NSD1: variants seen among roughly 807,000 people sequenced by gnomAD.
The protein encoded by NSD1 is nuclear receptor binding SET domain protein 1, also known as histone-lysine N-methyltransferase, H3 lysine-36 specific.
In NSD1, 26 loss-of-function variants were observed where a neutral mutation model predicts 242.7. The ratio of observed to expected loss-of-function variants is 0.11; its 90% CI spans 0.08 to 0.15. The LOEUF (loss-of-function observed/expected upper bound fraction) is 0.15, where lower values mean the gene tolerates loss of function less well. NSD1 is among the 10% of genes least tolerant of loss of function. The pLI, the probability that NSD1 is intolerant of heterozygous loss-of-function variation, is 1.00. For synonymous variants in NSD1, 1,106 were observed against 1,178.1 expected, an observed-to-expected ratio of 0.94 and a Z score of 1.25; for missense variants, 2,495 against 3,272.8, an observed-to-expected ratio of 0.76 and a Z score of 5.80.
Position 177,295,365 on chromosome 5 carries a change from G to A in NSD1, c.7997G>A (p.Gly2666Glu). 6.2e-7 allele frequency: 1 copy of A among 1,614,224 alleles called. No individual in the cohort carries two copies. The highest frequency in any genetic ancestry group is 1.1e-5 in the South Asian group (1 of 91,088). ...TTGGCACAGACTTGCTGGTCTCTTGGAAGAGGGCAAGACCCCAAACCAGAG... is the reference window on the plus strand; with the variant it reads ...TTGGCACAGACTTGCTGGTCTCTTGAAAGAGGGCAAGACCCCAAACCAGAG... Reference protein sequence around the residue: ...QTLAQTCWSLGRGQDPKPEQN... With the variant: ...QTLAQTCWSLERGQDPKPEQN... Residue 2666 changes from glycine to glutamate, a missense_variant, in exon 23 of 23, where the codon GGA becomes GAA. This residue lies in a region of NSD1 where 475 missense variants were observed against 563.7 expected (regional missense o/e 0.84). Transcript: ENST00000439151. This position sits in a 1 kb window ranked among gnomAD's most constrained non-coding sequence, Gnocchi z 4.3.
intron 2 of NSD1, chr5:177,136,750 C>G: frequency 5.6e-6 from 3 of 531,668 alleles, no homozygotes; most frequent in Non-Finnish European, 6.8e-6. Context: ...CCCATCACCA[C>G]GCCCGGCTAA....
In NSD1 at chr5:177,282,543, C is replaced by T; in HGVS notation, c.5971C>T (p.His1991Tyr). ...AGCTCGAATTCGCTATGCTCAAGAA[C>T]ATGATATCACTAATTTCTATATGCT... Reference protein sequence around the residue: ...CRARIRYAQEHDITNFYMLTL... With the variant: ...CRARIRYAQEYDITNFYMLTL... The change falls in exon 19 of 23, where the codon CAT (histidine) becomes TAT (tyrosine). Residue 1991 changes from histidine (H) to tyrosine (Y), a missense_variant. His to Tyr is a moderately conservative substitution (Grantham distance 83). Transcript: ENST00000439151. 6.2e-7 allele frequency: 1 copy of T among 1,612,968 alleles called. No individual in the cohort carries two copies. The highest frequency in any genetic ancestry group is 1.7e-5 in the Admixed American group (1 of 60,028).
intron 14 of NSD1, chr5:177,264,847 G>T (rs1757288545): frequency 2.6e-6 from 2 of 759,324 alleles, no homozygotes; most frequent in Non-Finnish European, 2.4e-6. Flanking sequence ...TGTTCCTTTG[G>T]CCGCATATAT....
intron 5 of NSD1, among the ~76,000 whole-genome samples, chr5:177,233,486 G>A (rs1037856395): frequency 3.3e-5 from 5 of 151,036 alleles, no homozygotes; most frequent in African/African-American, 7.3e-5. Context: ...CTCATGCTTC[G>A]GCATCTGGTG....
chr5:177,259,339 T>C (rs1453993231), intron 13 of NSD1, among the ~76,000 whole-genome samples: 2 of 152,100 alleles, frequency 1.3e-5, no homozygotes, highest in Non-Finnish European at 2.9e-5. Context: ...TTTCGATGAG[T>C]GTGATGGTGT....
At chr5:177,293,796 T>C in intron 22 of NSD1, 36 bp from the exon 23 acceptor site, 3 of 1,612,740 alleles carry the variant, frequency 1.9e-6, no homozygotes, top group Non-Finnish European at 2.5e-6. Context: ...TGTATCTCTT[T>C]TTTCCTAAAC....
chr5:177,171,325 C>T (rs1331333802), intron 2 of NSD1, among the ~76,000 whole-genome samples: 1 of 151,954 alleles, frequency 6.6e-6, no homozygotes, highest in African/African-American at 2.4e-5. Flanking sequence ...AAAAGGAAAC[C>T]TTGTACGCTT....
At chr5:177,196,635 A>T (rs1438949311) in intron 3 of NSD1, among the ~76,000 whole-genome samples, 9 of 152,228 alleles carry the variant, frequency 5.9e-5, no homozygotes. Flanking sequence ...TCTATAACTC[A>T]GAAAGGACAT....
At chr5:177,258,999 T>C (rs1390990270) in intron 13 of NSD1, among the ~76,000 whole-genome samples, 4 of 152,140 alleles carry the variant, frequency 2.6e-5, no homozygotes. Flanking sequence ...CACTCCCGAC[T>C]ACTTTTTATA....
intron 2 of NSD1, among the ~76,000 whole-genome samples, chr5:177,168,580 C>T (rs1581188753): frequency 6.6e-6 from 1 of 151,984 alleles, no homozygotes; most frequent in Non-Finnish European, 1.5e-5. Flanking sequence ...CCTGCCCCAC[C>T]CTCCCAAGTA....
At chr5:177,172,786 C>A (rs1431470793) in intron 2 of NSD1, among the ~76,000 whole-genome samples, 1 of 151,688 alleles carries the variant, frequency 6.6e-6, no homozygotes, top group African/African-American at 2.4e-5. Flanking sequence ...TAGTGAGATC[C>A]TGTCTCTAAA....
chr5:177,259,422 G>A (rs1385796830), intron 13 of NSD1, among the ~76,000 whole-genome samples: 1 of 152,140 alleles, frequency 6.6e-6, no homozygotes, highest in East Asian at 1.9e-4. Context: ...CAGACTTTGA[G>A]GTCACGTCCA....
chr5:177,280,097 C>T (rs1299608985), intron 17 of NSD1, among the ~76,000 whole-genome samples: 1 of 150,978 alleles, frequency 6.6e-6, no homozygotes. Context: ...GCAAGCTCAG[C>T]CTCCCAAGTA....
rs1401327851 is a variant in NSD1, at chr5:177,244,936, TC to T, written c.4378+667del. On this transcript the variant is annotated intron_variant, in intron 9 of 22. Transcript: ENST00000439151. ...TGCTTTCAAAATAATATCAGGCCGT[TC>T]ATGGTGGCCCACAACTGCAATTTCA... Among the ~76,000 whole-genome samples the T allele has an allele frequency of 2.0e-5, 3 of 152,182 alleles. No homozygotes were observed. In the East Asian group the frequency reaches 5.8e-4, roughly 29 times the overall value.
chr5:177,187,403 C>T (rs928618695), intron 2 of NSD1, among the ~76,000 whole-genome samples: 1 of 152,134 alleles, frequency 6.6e-6, no homozygotes, highest in African/African-American at 2.4e-5. Flanking sequence ...CCGCACCCAG[C>T]CTGTGACTTA....
chr5:177,275,938 T>TTGAGACAGGGTCTCCCTCTG (rs1432643596), intron 17 of NSD1, among the ~76,000 whole-genome samples: 1 of 152,230 alleles, frequency 6.6e-6, no homozygotes, highest in African/African-American at 2.4e-5. Flanking sequence ...GTTTGTTCCT[T>TTGAGACAGGGTCTCCCTCTG]TGAGACAGGG....
At chr5:177,149,015 C>T (rs1757481275) in intron 2 of NSD1, among the ~76,000 whole-genome samples, 3 of 151,602 alleles carry the variant, frequency 2.0e-5, no homozygotes, top group South Asian at 2.1e-4. Flanking sequence ...GATAGGGTTT[C>T]ACCATGTTGG....
At chr5:177,181,992 A>G (rs1230692192) in intron 2 of NSD1, among the ~76,000 whole-genome samples, 1 of 151,954 alleles carries the variant, frequency 6.6e-6, no homozygotes, top group African/African-American at 2.4e-5. Context: ...CTCTACTAAA[A>G]ATACAAAAAA....
chr5:177,181,702 A>G (rs944025249), intron 2 of NSD1, among the ~76,000 whole-genome samples: 2 of 151,180 alleles, frequency 1.3e-5, no homozygotes, highest in Middle Eastern at 3.4e-3. Flanking sequence ...CTGGGATTAC[A>G]GGTGTGAGCC....
Sources: allele counts gnomAD v4.1 joint callset (sites outside exome capture counted in the v4.1 genomes callset), GRCh38; gene constraint gnomAD v4.1.1; regional missense constraint gnomAD v4.1.1; non-coding constraint Gnocchi (gnomAD v3.1); transcripts MANE v1.5; gene names NCBI Gene and HGNC (gene_info 2026-07-23, HGNC 2026-07-21).